Variants in ULK4 observed in about 807,000 individuals in gnomAD.
ULK4 encodes unc-51 like kinase 4.
ULK4 carries 133 observed loss-of-function variants against 160.6 expected under a neutral mutation model. The ratio of observed to expected loss-of-function variants is 0.83; its 90% confidence interval spans 0.72 to 0.96. The LOEUF (loss-of-function observed/expected upper bound fraction) is 0.96. Among genes scored for constraint, ULK4 ranks in the 40% least tolerant of loss-of-function variants. ULK4 has a pLI of 0.00. For missense variants in ULK4, 1,580 were observed against 1,499.5 expected, an observed-to-expected ratio of 1.05 and a Z score of -0.89; for synonymous variants, 534 against 539.8, an observed-to-expected ratio of 0.99 and a Z score of 0.15.
intron 21 of ULK4, among the ~76,000 whole-genome samples, chr3:41,778,125 T>C (rs1478825988): frequency 8.0e-6 from 1 of 124,448 alleles, no homozygotes; most frequent in Non-Finnish European, 1.6e-5. Context: ...GATAAGCAAC[T>C]TCAGCAAAGT....
At chr3:41,416,934 C>A (rs1033635594) in intron 34 of ULK4, among the ~76,000 whole-genome samples, 2 of 152,164 alleles carry the variant, frequency 1.3e-5, no homozygotes, top group African/African-American at 4.8e-5. Context: ...CCCTGATGGG[C>A]ATCCTCTGCT....
chr3:41,365,312 T>C (rs1403827318), intron 35 of ULK4, among the ~76,000 whole-genome samples: 3 of 152,178 alleles, frequency 2.0e-5, no homozygotes, highest in African/African-American at 7.2e-5. Flanking sequence ...CTTCACAATC[T>C]TGAAGTTTGA....
At chr3:41,733,940 T>G (rs139090348) in intron 22 of ULK4, among the ~76,000 whole-genome samples, 1 of 152,064 alleles carries the variant, frequency 6.6e-6, no homozygotes, top group Non-Finnish European at 1.5e-5. Context: ...TTTCACCATG[T>G]TGGTCAGGCT....
intron 35 of ULK4, among the ~76,000 whole-genome samples, chr3:41,305,489 C>T (rs1018459582): frequency 3.9e-5 from 6 of 152,238 alleles, no homozygotes; most frequent in Admixed American, 1.3e-4. Context: ...CCCGAGGTGC[C>T]GGGATTGCAG....
At chr3:41,524,759 G>A (rs2125934786) in intron 32 of ULK4, among the ~76,000 whole-genome samples, 1 of 152,072 alleles carries the variant, frequency 6.6e-6, no homozygotes, top group East Asian at 1.9e-4. Context: ...CCAACATGGT[G>A]AAATCCCGTC....
chr3:41,805,880 G>A (rs1268286813), intron 19 of ULK4, among the ~76,000 whole-genome samples: 3 of 146,312 alleles, frequency 2.1e-5, no homozygotes, highest in Non-Finnish European at 4.5e-5. Context: ...GCTGGATTTG[G>A]TTTGCCAGTA....
intron 16 of ULK4, among the ~76,000 whole-genome samples, chr3:41,893,661 A>C (rs539403103): frequency 6.6e-6 from 1 of 152,182 alleles, no homozygotes. Context: ...AAAAATAGTA[A>C]ATAAAATGAT....
intron 32 of ULK4, among the ~76,000 whole-genome samples, chr3:41,499,140 C>T (rs1301923568): frequency 2.6e-5 from 4 of 152,090 alleles, no homozygotes; most frequent in African/African-American, 9.7e-5. Flanking sequence ...ACAGAAGAAA[C>T]ATGAACCACA....
chr3:41,650,236 C>A (rs2034684852), intron 30 of ULK4, among the ~76,000 whole-genome samples: 1 of 152,200 alleles, frequency 6.6e-6, no homozygotes, highest in Admixed American at 6.5e-5. Context: ...CTGGATGCAG[C>A]ACAAGAACTC....
chr3:41,295,251 A>AG lies in ULK4; in HGVS notation c.3679-45678_3679-45677insC, dbSNP rs1432382501. On this transcript the variant is annotated intron_variant, in intron 35 of 36. Coordinates refer to ENST00000301831, the MANE Select transcript of ULK4 (RefSeq NM_017886.4). The stretch of plus-strand genomic sequence containing the variant: ...GAACAACTGGATATCCACATGCAAA[A>AG]CATGAATGCAGACACAGATCTTTTA... Among the ~76,000 whole-genome samples, 30 of 76,538 alleles carry AG rather than the reference A, an allele frequency of 3.9e-4. 11 individuals are homozygous for AG. The highest frequency in any genetic ancestry group is 7.0e-4 in the Non-Finnish European group (21 of 30,172). The allele number at this position is 76,538 out of a possible 152,430, so 50.2% of individuals were successfully genotyped here. A position where few individuals can be genotyped will look rare whatever the true frequency, so the allele number is the denominator to read the frequency against.
intron 32 of ULK4, among the ~76,000 whole-genome samples, chr3:41,548,358 G>A (rs2086937985): frequency 6.6e-6 from 1 of 151,910 alleles, no homozygotes; most frequent in Admixed American, 6.6e-5. Context: ...CGTACATTCT[G>A]CTTGGGGGCC....
chr3:41,391,485 AT>A (rs1385317307), intron 35 of ULK4, among the ~76,000 whole-genome samples: 24 of 151,806 alleles, frequency 1.6e-4, no homozygotes, highest in African/African-American at 5.6e-4. Context: ...GAGAGGTATA[AT>A]TTTACCTTTT....
intron 27 of ULK4, among the ~76,000 whole-genome samples, chr3:41,684,693 C>A (rs1010837742): frequency 6.6e-6 from 1 of 152,182 alleles, no homozygotes; most frequent in Non-Finnish European, 1.5e-5. Context: ...TCTTGGGGAC[C>A]ATGGAGATGC....
intron 35 of ULK4, among the ~76,000 whole-genome samples, chr3:41,305,912 ACCCCGTCTG>A (rs2079910133): frequency 7.9e-6 from 1 of 126,094 alleles, no homozygotes; most frequent in Non-Finnish European, 1.7e-5. Flanking sequence ...CCCGGCTGCG[ACCCCGTCTG>A]GGAGGTGAGG....
At chr3:41,603,020 C>T (rs915913296) in intron 31 of ULK4, among the ~76,000 whole-genome samples, 5 of 151,928 alleles carry the variant, frequency 3.3e-5, no homozygotes, top group South Asian at 2.1e-4. Flanking sequence ...TCTAAATATA[C>T]ACTGAAAAGA....
chr3:41,766,620 T>C (rs952021507), intron 21 of ULK4: 12 of 152,242 alleles, frequency 7.9e-5, no homozygotes, highest in African/African-American at 2.7e-4. Flanking sequence ...GAGGTAAATA[T>C]GGATGATGTC....
intron 22 of ULK4, among the ~76,000 whole-genome samples, chr3:41,720,801 G>C (rs2037423424): frequency 6.6e-6 from 1 of 152,074 alleles, no homozygotes; most frequent in Non-Finnish European, 1.5e-5. Context: ...ATGTAATCGA[G>C]TATAAATCCC....
intron 31 of ULK4, among the ~76,000 whole-genome samples, chr3:41,613,005 T>A (rs981345635): frequency 6.6e-6 from 1 of 152,136 alleles, no homozygotes; most frequent in African/African-American, 2.4e-5. Flanking sequence ...GCTAAATGAA[T>A]CAAATGATGT....
At chr3:41,641,013 G>A (rs1028958161) in intron 30 of ULK4, among the ~76,000 whole-genome samples, 1 of 152,130 alleles carries the variant, frequency 6.6e-6, no homozygotes, top group African/African-American at 2.4e-5. Flanking sequence ...CAAAGCAAAT[G>A]GTCAAGGCTT....
Sources: allele counts gnomAD v4.1 joint callset (sites outside exome capture counted in the v4.1 genomes callset), GRCh38; gene constraint gnomAD v4.1.1; transcripts MANE v1.5; gene names NCBI Gene and HGNC (gene_info 2026-07-23, HGNC 2026-07-21).